The following SLC22A13 variants were observed in gnomAD, a reference collection of about 807,000 sequenced individuals.
The protein encoded by SLC22A13 is solute carrier family 22 member 13.
Under a neutral mutation model 49.1 loss-of-function variants are expected in SLC22A13, and 42 were observed. The observed-to-expected ratio is 0.85, with a 90% CI of 0.67 to 1.11. The LOEUF (loss-of-function observed/expected upper bound fraction) is 1.11, where lower values mean the gene tolerates loss of function less well. Among genes scored for constraint, SLC22A13 ranks in the 50% least tolerant of loss-of-function variants. The probability of loss-of-function intolerance (pLI) is 0.00; values close to 1 mark genes in which losing one functional copy is unlikely to be tolerated. For synonymous variants in SLC22A13, 282 were observed against 293.1 expected, an observed-to-expected ratio of 0.96 and a Z score of 0.39; for missense variants, 694 against 712.8, an observed-to-expected ratio of 0.97 and a Z score of 0.30.
Position 38,277,023 on chromosome 3 carries a change from C to T in SLC22A13, c.1458C>T (p.Gly486=), listed in dbSNP as rs2844430. The T allele has an allele frequency of 2.5e-6, 4 of 1,607,570 alleles. No homozygotes were observed. The highest frequency in any genetic ancestry group is 3.4e-6 in the Non-Finnish European group (4 of 1,177,114). ...CTGCCCTCCCCATGCTCATCTACGGCAGCCTCCCCATCGTGGCCGGCCTGC... is the reference window on the plus strand; with the variant it reads ...CTGCCCTCCCCATGCTCATCTACGGTAGCCTCCCCATCGTGGCCGGCCTGC... ...YHAALPMLIY[G]SLPIVAGLLC... is the part of the protein sequence containing the mutation. Residue 486 remains glycine (G), a synonymous_variant, in exon 9 of 10, where the codon GGC becomes GGT. Coordinates refer to ENST00000311856, the MANE Select transcript of SLC22A13 (RefSeq NM_004256.4).
chr3:38,266,253 T>C lies in SLC22A13; in HGVS notation c.378+15T>C. On this transcript the variant is annotated intron_variant, in intron 1 of 9. Coordinates refer to ENST00000311856, the MANE Select transcript of SLC22A13 (RefSeq NM_004256.4). ...TGAAGAATGAGGTAGGCTTGTCCTT[T>C]TGCTGGTCTCTCCACCGGTTGTGGG... 1 of 1,608,434 alleles carries C rather than the reference T, an allele frequency of 6.2e-7. No individual in the cohort carries two copies.
At position 38,277,982 on chromosome 3, in the gene SLC22A13, C is replaced by T. The variant is rs1703607051; in HGVS notation, c.*517C>T. The T allele has an allele frequency of 6.5e-6, 1 of 152,754 alleles. No individual in the cohort carries two copies. Among genetic ancestry groups the T allele is most frequent in the African/African-American group, 2.4e-5 (1 of 41,446 alleles). 9.5% of individuals were successfully genotyped at this position (152,754 alleles called of 1,614,324 possible). The stretch of plus-strand genomic sequence containing the variant: ...TTCCTTCTAGCGGATGGACCAGATT[C>T]CTCTGGCTAACGTATGGCCCCATAG... On this transcript the variant is annotated 3_prime_UTR_variant, in exon 10 of 10. Coordinates refer to ENST00000311856, the MANE Select transcript of SLC22A13 (RefSeq NM_004256.4).
At position 38,265,820 on chromosome 3, in the gene SLC22A13, A is replaced by C; in HGVS notation, c.-41A>C. ...GTTCCCAGAGCCAAGCTACAGAGCT[A>C]CCCTAGTGTCCCCAGGCTGAGGAGG... On this transcript the variant is annotated 5_prime_UTR_variant, in exon 1 of 10. Transcript: ENST00000311856. The C allele has an allele frequency of 6.2e-7, 1 of 1,600,078 alleles. No homozygotes were observed. Among genetic ancestry groups the C allele is most frequent in the Non-Finnish European group, 8.5e-7 (1 of 1,170,566 alleles).
chr3:38,275,301 G>T (rs1575391595), intron 4 of SLC22A13, 69 bp from the exon 5 acceptor site: 5 of 1,604,318 alleles, frequency 3.1e-6, no homozygotes, highest in Non-Finnish European at 4.3e-6. Context: ...GGTTCAGTTT[G>T]CACTGGAACA....
rs528707145 is a variant in SLC22A13, at chr3:38,274,675, T to C, written c.554T>C (p.Val185Ala). Residue 185 changes from valine to alanine, a missense_variant, in exon 3 of 10, where the codon GTG becomes GCG. By Grantham distance (64) the Val-to-Ala change is moderately conservative. Transcript: ENST00000311856. The stretch of plus-strand genomic sequence containing the variant: ...CTCATCGGCCTGGCCACAGCTTTTG[T>C]GCCCAGCTTTGAGCTCTACATGGCC... The part of the protein sequence containing the change: ...FTLIGLATAF[V>A]PSFELYMALR... 3.0e-4 allele frequency: 491 copies of C among 1,614,194 alleles called. 5 individuals are homozygous for C. The South Asian group carries it at 5.1e-3, about 17-fold the overall frequency.
chr3:38,267,155 C>T (rs941048635), intron 1 of SLC22A13, among the ~76,000 whole-genome samples: 1 of 152,214 alleles, frequency 6.6e-6, no homozygotes, highest in Non-Finnish European at 1.5e-5. Context: ...TTCTTCCCCA[C>T]CCCATGGCTG....
Position 38,265,989 on chromosome 3 carries a change from C to T in SLC22A13, c.129C>T (p.Val43=). The T allele has an allele frequency of 4.3e-6, 7 of 1,614,196 alleles. No homozygotes were observed. Among genetic ancestry groups the T allele is most frequent in the South Asian group, 1.1e-5 (1 of 91,078 alleles). ...ACTTTTTTGCCCATGTCTTCATGGT[C>T]CTAGATGAGCCCCACCACTGTGCAG... The part of the protein sequence containing the change: ...PFYFFAHVFM[V]LDEPHHCAVA... The change falls in exon 1 of 10, where the codon GTC becomes GTT. Residue 43 remains valine, a synonymous_variant. Transcript: ENST00000311856.
In SLC22A13 at chr3:38,265,968, T is replaced by C; in HGVS notation, c.108T>C (p.Phe36=). 6.2e-7 allele frequency: 1 copy of C among 1,614,176 alleles called. No homozygotes were observed. Among genetic ancestry groups the C allele is most frequent in the Non-Finnish European group, 8.5e-7 (1 of 1,180,028 alleles). Residue 36 remains phenylalanine (F), a synonymous_variant, in exon 1 of 10, where the codon TTT becomes TTC. Coordinates refer to ENST00000311856, the MANE Select transcript of SLC22A13 (RefSeq NM_004256.4). The part of the protein sequence containing the change: ...CVLNFLSPFY[F]FAHVFMVLDE... ...TCAACTTCCTGTCTCCCTTCTACTTTTTTGCCCATGTCTTCATGGTCCTAG... is the reference window on the plus strand; with the variant it reads ...TCAACTTCCTGTCTCCCTTCTACTTCTTTGCCCATGTCTTCATGGTCCTAG...
chr3:38,276,276 C>A lies in SLC22A13; in HGVS notation c.1238-11C>A. 1 of 1,605,550 alleles carries A rather than the reference C, an allele frequency of 6.2e-7. No individual in the cohort carries two copies. Among genetic ancestry groups the A allele is most frequent in the Non-Finnish European group, 8.5e-7 (1 of 1,174,494 alleles). ...AGGGCCCAGGTGATGGGGCTGTCTA[C>A]CCTCTGCCAGATCTGCCCGTGGTGG... is the stretch of plus-strand genomic sequence containing the variant. On this transcript the variant is annotated splice_polypyrimidine_tract_variant and intron_variant, in intron 7 of 9. Coordinates refer to ENST00000311856, the MANE Select transcript of SLC22A13 (RefSeq NM_004256.4).
At chr3:38,273,741 G>A (rs76166470) in intron 1 of SLC22A13, among the ~76,000 whole-genome samples, 3,377 of 152,314 alleles carry the variant, frequency 0.022, 125 homozygotes, top group African/African-American at 0.075. Flanking sequence ...AAGTGTTTAT[G>A]TCCTAACAAC....
At chr3:38,268,690 A>G (rs116200643) in intron 1 of SLC22A13, among the ~76,000 whole-genome samples, 2 of 152,240 alleles carry the variant, frequency 1.3e-5, no homozygotes, top group African/African-American at 4.8e-5. Flanking sequence ...ATATAGGGCA[A>G]GAAATGAGGA....
chr3:38,266,313 G>T (rs1703464377), intron 1 of SLC22A13, 75 bp downstream of exon 1: 1 of 1,535,942 alleles, frequency 6.5e-7, no homozygotes, highest in African/African-American at 1.4e-5. Context: ...TTCGCCCTCA[G>T]TCACTGGCTC....
chr3:38,275,819 G>A (rs1186257696), intron 6 of SLC22A13, 63 bp from the exon 7 acceptor site: 10 of 1,542,344 alleles, frequency 6.5e-6, no homozygotes, highest in Admixed American at 1.7e-5. Context: ...GACCAAGGCA[G>A]GCTCTCCCTC....
chr3:38,266,371 T>G (rs1383540055), intron 1 of SLC22A13, 133 bp downstream of exon 1: 1 of 1,049,986 alleles, frequency 9.5e-7, no homozygotes, highest in African/African-American at 1.6e-5. Context: ...CATATGTTTT[T>G]CATTTTGTCA....
intron 1 of SLC22A13, among the ~76,000 whole-genome samples, chr3:38,272,852 C>G (rs1703535798): frequency 6.6e-6 from 1 of 152,194 alleles, no homozygotes; most frequent in Non-Finnish European, 1.5e-5. Context: ...TTTATTCATT[C>G]ATTCAGCAGA....
At chr3:38,276,648 G>A (rs1055205403) in intron 8 of SLC22A13, among the ~76,000 whole-genome samples, 3 of 152,206 alleles carry the variant, frequency 2.0e-5, no homozygotes, top group African/African-American at 7.2e-5. Context: ...AAGAATGAAT[G>A]GCCACAGAGA....
intron 1 of SLC22A13, among the ~76,000 whole-genome samples, chr3:38,267,760 C>T (rs1227158170): frequency 6.6e-6 from 1 of 152,174 alleles, no homozygotes; most frequent in Non-Finnish European, 1.5e-5. Context: ...TTTGCTTCCT[C>T]CTGGTTCCGG....
rs774510337 is a variant in SLC22A13 at position 38,276,326 on chromosome 3, A to G, written c.1277A>G (p.Lys426Arg). The G allele has an allele frequency of 5.0e-6, 8 of 1,613,796 alleles. No homozygotes were observed. The Admixed American group carries it at 1.2e-4, about 24-fold the overall frequency. The stretch of plus-strand genomic sequence containing the variant: ...GTCACCATGCTGGCTGTGGTGGGGA[A>G]GATGGCCACAGCTGCTGCCTTTACC... The part of the protein sequence containing the change: ...VVVTMLAVVG[K>R]MATAAAFTIS... The change falls in exon 8 of 10, where the codon AAG becomes AGG. Residue 426 changes from lysine to arginine, a missense_variant. Coordinates refer to ENST00000311856, the MANE Select transcript of SLC22A13 (RefSeq NM_004256.4).
intron 1 of SLC22A13, 114 bp from the exon 2 acceptor site, chr3:38,274,158 T>A: frequency 1.3e-6 from 1 of 770,838 alleles, no homozygotes; most frequent in African/African-American, 1.7e-5. Flanking sequence ...AGTGCCTCAG[T>A]ACACAGTTTG....
Sources: allele counts gnomAD v4.1 joint callset (sites outside exome capture counted in the v4.1 genomes callset), GRCh38; gene constraint gnomAD v4.1.1; transcripts MANE v1.5; gene names NCBI Gene and HGNC (gene_info 2026-07-23, HGNC 2026-07-21).